Variants in SEMA3A observed in about 807,000 individuals in gnomAD.
SEMA3A encodes the protein semaphorin 3A.
A neutral mutation model predicts 97.9 loss-of-function variants in SEMA3A; 29 were observed. The ratio of observed to expected loss-of-function variants is 0.30; its 90% confidence interval spans 0.22 to 0.40. The LOEUF is 0.40. SEMA3A is among the 10% of genes least tolerant of loss of function. SEMA3A has a pLI of 1.00. For missense variants in SEMA3A, 763 were observed against 951.3 expected (o/e 0.80, Z 2.60); for synonymous variants, 321 against 323.7 (o/e 0.99, Z 0.09).
chr7:84,152,829 T>C (rs1796719943), intron 1 of SEMA3A, among the ~76,000 whole-genome samples: 1 of 152,106 alleles, frequency 6.6e-6, no homozygotes, highest in Non-Finnish European at 1.5e-5. Flanking sequence ...AAGAGAATTA[T>C]GTAAAGCAGG....
intron 2 of SEMA3A, among the ~76,000 whole-genome samples, chr7:84,351,254 C>T (rs2116025287): frequency 6.6e-6 from 1 of 152,236 alleles, no homozygotes; most frequent in South Asian, 2.1e-4. Context: ...ATCATAACAT[C>T]CTTTTCCTCA....
Position 84,358,382 on chromosome 7 carries a change from G to A in SEMA3A, c.-169+13442C>T, listed in dbSNP as rs188146002. 5.1e-3 allele frequency among the ~76,000 whole-genome samples: 771 copies of A among 152,098 alleles called. 5 individuals are homozygous for A. Among genetic ancestry groups the A allele is most frequent in the South Asian group, 0.01 (49 of 4,820 alleles). The stretch of plus-strand genomic sequence containing the variant: ...CTAGCCAGTTTTCCCAGCACCATTT[G>A]TTAAATAGGGAATCCTTTCTCCATT... On this transcript the variant is annotated intron_variant, in intron 2 of 3. Transcript: ENST00000424555.
chr7:84,435,607 A>C (rs116114335), intron 1 of SEMA3A, among the ~76,000 whole-genome samples: 3,993 of 152,152 alleles, frequency 0.026, 164 homozygotes, highest in African/African-American at 0.09. Context: ...ATTCTGTCAA[A>C]ACAAACAAAC....
At chr7:84,101,042 A>G (rs2115898807) in intron 4 of SEMA3A, among the ~76,000 whole-genome samples, 1 of 152,302 alleles carries the variant, frequency 6.6e-6, no homozygotes, top group Non-Finnish European at 1.5e-5. Context: ...GACTGAACAC[A>G]AGGATACAGC....
intron 3 of SEMA3A, among the ~76,000 whole-genome samples, chr7:84,283,605 T>C (rs945259968): frequency 1.3e-5 from 2 of 151,916 alleles, no homozygotes; most frequent in Admixed American, 6.6e-5. Context: ...AATGGCATAA[T>C]AGAAACAAAG....
chr7:84,107,190 A>G (rs1562786759), intron 4 of SEMA3A, among the ~76,000 whole-genome samples: 1 of 152,164 alleles, frequency 6.6e-6, no homozygotes, highest in African/African-American at 2.4e-5. Flanking sequence ...TCTTCTCCCA[A>G]TAGTAGAAGT....
At chr7:84,488,317 T>C (rs2190054) in intron 1 of SEMA3A, among the ~76,000 whole-genome samples, 31,733 of 145,478 alleles carry the variant, frequency 0.22, 4,402 homozygotes, top group East Asian at 0.63. Flanking sequence ...TCTTCGTATA[T>C]ACACACACAC....
intron 3 of SEMA3A, among the ~76,000 whole-genome samples, chr7:84,300,171 AAC>A: frequency 6.6e-6 from 1 of 151,940 alleles, no homozygotes; most frequent in South Asian, 2.1e-4. Context: ...TAGAAAAAAA[AAC>A]AAAATTAGTG....
intron 4 of SEMA3A, among the ~76,000 whole-genome samples, chr7:84,092,212 G>A (rs1195642204): frequency 1.3e-5 from 2 of 152,118 alleles, no homozygotes; most frequent in Non-Finnish European, 2.9e-5. Context: ...AAATCTTGAT[G>A]GAGGAAGATA....
At chr7:84,235,157 A>G (rs780761251) in intron 3 of SEMA3A, among the ~76,000 whole-genome samples, 2 of 152,208 alleles carry the variant, frequency 1.3e-5, no homozygotes, top group East Asian at 1.9e-4. Context: ...ATGTGTACAA[A>G]TATGTATTTT....
At chr7:84,342,129 G>A (rs934974163) in intron 2 of SEMA3A, among the ~76,000 whole-genome samples, 1 of 151,932 alleles carries the variant, frequency 6.6e-6, no homozygotes, top group Non-Finnish European at 1.5e-5. Context: ...TTCGCCTCCT[G>A]GATTCAAGTG....
chr7:84,025,704 AAC>A (rs1382745628), intron 6 of SEMA3A, among the ~76,000 whole-genome samples: 1 of 152,190 alleles, frequency 6.6e-6, no homozygotes, highest in African/African-American at 2.4e-5. Flanking sequence ...ATGAAAGATA[AAC>A]ACAGAAGGCA....
chr7:84,030,987 G>GTTTTTTTTTTTTTTTTT (rs10615974), intron 6 of SEMA3A, among the ~76,000 whole-genome samples: 2 of 95,022 alleles, frequency 2.1e-5, no homozygotes, highest in African/African-American at 4.3e-5. Context: ...TTTTGGTCAA[G>GTTTTTTTTTTTTTTTTT]TTTTTTTTTT....
chr7:83,996,035 A>G (rs976389121), intron 12 of SEMA3A, among the ~76,000 whole-genome samples: 1 of 152,200 alleles, frequency 6.6e-6, no homozygotes, highest in Non-Finnish European at 1.5e-5. Context: ...AATTCCTTAC[A>G]TTCAATAGAA....
chr7:84,302,462 G>T (rs1801041522), intron 3 of SEMA3A, among the ~76,000 whole-genome samples: 1 of 152,122 alleles, frequency 6.6e-6, no homozygotes, highest in African/African-American at 2.4e-5. Flanking sequence ...GACTTTTTAT[G>T]CAGAGTGTTT....
chr7:84,015,775 A>G (rs935452309), intron 6 of SEMA3A, among the ~76,000 whole-genome samples: 1 of 152,098 alleles, frequency 6.6e-6, no homozygotes, highest in Non-Finnish European at 1.5e-5. Flanking sequence ...ACCTTTTAAC[A>G]TTTGCTCTGG....
intron 3 of SEMA3A, among the ~76,000 whole-genome samples, chr7:84,248,719 A>ATC (rs955253928): frequency 6.6e-6 from 1 of 151,450 alleles, no homozygotes; most frequent in African/African-American, 2.4e-5. Context: ...CCACTCTTTG[A>ATC]TCTCTCTCTC....
intron 4 of SEMA3A, among the ~76,000 whole-genome samples, chr7:84,088,068 A>G (rs775130215): frequency 3.3e-5 from 5 of 152,118 alleles, no homozygotes; most frequent in Non-Finnish European, 7.4e-5. Flanking sequence ...TTTCCCCCAA[A>G]TATGTAGTTC....
chr7:84,109,583 GGA>G (rs1480644925), intron 4 of SEMA3A, among the ~76,000 whole-genome samples: 1 of 152,160 alleles, frequency 6.6e-6, no homozygotes, highest in Non-Finnish European at 1.5e-5. Flanking sequence ...TGAAATTTAG[GGA>G]GAGAGTCTAA....
Sources: gnomAD v4.1 joint callset for allele counts (sites outside exome capture counted in the v4.1 genomes callset) on GRCh38, gnomAD v4.1.1 for gene constraint, MANE v1.5 for transcripts, NCBI Gene and HGNC (gene_info 2026-07-23, HGNC 2026-07-21) for gene names.